CACNA1H: variants seen among roughly 807,000 people sequenced by gnomAD.
CACNA1H encodes calcium voltage-gated channel subunit alpha1 H, also known as voltage-dependent T-type calcium channel subunit alpha-1H.
Under a neutral mutation model 192.5 loss-of-function variants are expected in CACNA1H, and 149 were observed. That is an observed-to-expected ratio of 0.77 (90% CI 0.68 to 0.89). The LOEUF (loss-of-function observed/expected upper bound fraction) is 0.89. Among genes scored for constraint, CACNA1H ranks in the 40% least tolerant of loss-of-function variants. The probability of loss-of-function intolerance (pLI) is 0.00; values close to 1 mark genes in which losing one functional copy is unlikely to be tolerated. For synonymous variants in CACNA1H, 2,202 were observed against 1,475.2 expected, an observed-to-expected ratio of 1.49 and a Z score of -11.29; for missense variants, 4,257 against 3,423.5, an observed-to-expected ratio of 1.24 and a Z score of -6.08.
chr16:1,174,941 C>CCCCCCCA (rs919828517), intron 2 of CACNA1H, among the ~76,000 whole-genome samples: 2 of 145,718 alleles, frequency 1.4e-5, no homozygotes, highest in Non-Finnish European at 3.0e-5. Context: ...CCCACGTCCA[C>CCCCCCCA]CCCCCCACCC....
intron 11 of CACNA1H, among the ~76,000 whole-genome samples, chr16:1,205,512 T>G (rs1968586252): frequency 6.6e-6 from 1 of 152,206 alleles, no homozygotes; most frequent in Admixed American, 6.5e-5. Context: ...GTCAGCTGCG[T>G]CTCAGATGTT....
chr16:1,158,935 C>A (rs1359694171), intron 2 of CACNA1H, among the ~76,000 whole-genome samples: 1 of 152,184 alleles, frequency 6.6e-6, no homozygotes, highest in African/African-American at 2.4e-5. Context: ...TCAGCCCGCA[C>A]CGCTGGGACC....
chr16:1,215,180 A>T (rs1969907455), intron 28 of CACNA1H, 62 bp from the exon 29 acceptor site: 1 of 1,581,200 alleles, frequency 6.3e-7, no homozygotes, highest in South Asian at 1.1e-5. Flanking sequence ...GGTCTGCAGA[A>T]GCAACGCTGC....
Position 1,220,923 on chromosome 16 carries a change from T to G in CACNA1H, c.6991T>G (p.Cys2331Gly). Residue 2331 changes from cysteine (C) to glycine (G), a missense_variant, in exon 35 of 35, where the codon TGT becomes GGT. By Grantham distance (159) the Cys-to-Gly change is radical. Transcript: ENST00000348261. ...RRGLYLTVPQ[C>G]PLEKPGSPSA... ...GGGGCTGTACCTCACAGTCCCCCAG[T>G]GTCCTCTGGAGAAACCAGGGTCCCC... 6.2e-7 allele frequency: 1 copy of G among 1,610,974 alleles called. No individual in the cohort carries two copies. The highest frequency in any genetic ancestry group is 1.1e-5 in the South Asian group (1 of 91,034).
intron 2 of CACNA1H, among the ~76,000 whole-genome samples, chr16:1,175,066 C>T (rs529194823): frequency 5.9e-5 from 9 of 152,214 alleles, no homozygotes; most frequent in Admixed American, 2.6e-4. Flanking sequence ...TCCTACTCTA[C>T]GCACAGGTCA....
At chr16:1,161,362 C>T (rs1010754655) in intron 2 of CACNA1H, among the ~76,000 whole-genome samples, 1 of 152,244 alleles carries the variant, frequency 6.6e-6, no homozygotes, top group Non-Finnish European at 1.5e-5. Flanking sequence ...CTCACCCCTT[C>T]TCCCCTCCCC....
intron 2 of CACNA1H, among the ~76,000 whole-genome samples, chr16:1,186,766 G>T (rs758450134): frequency 6.6e-6 from 1 of 152,200 alleles, no homozygotes; most frequent in Non-Finnish European, 1.5e-5. Context: ...CACGGCAGTG[G>T]AGATATTCTG....
chr16:1,218,643 C>T lies in CACNA1H; in HGVS notation c.5879C>T (p.Thr1960Ile), dbSNP rs775156550. The part of the protein sequence containing the change: ...EVEMETYGAG[T>I]PLGSVASVHS... ...GAGATGGAGACCTATGGGGCCGGCA[C>T]CCCCTTGGGTATGGTAGCCAGCAGG... Residue 1960 changes from threonine (T) to isoleucine (I), a missense_variant, in exon 33 of 35, where the codon ACC becomes ATC. Transcript: ENST00000348261. The T allele has an allele frequency of 1.3e-6, 2 of 1,544,920 alleles. No homozygotes were observed. Among genetic ancestry groups the T allele is most frequent in the African/African-American group, 1.4e-5 (1 of 73,376 alleles).
chr16:1,155,403 C>T (rs372684083), intron 2 of CACNA1H, among the ~76,000 whole-genome samples: 12 of 152,172 alleles, frequency 7.9e-5, no homozygotes, highest in African/African-American at 2.9e-4. Flanking sequence ...CTCTCTAGAA[C>T]CAAGGCGGGA....
intron 2 of CACNA1H, among the ~76,000 whole-genome samples, chr16:1,182,201 G>T (rs912294161): frequency 3.9e-5 from 6 of 152,174 alleles, no homozygotes; most frequent in Admixed American, 1.3e-4. Context: ...CAGGTGGGAG[G>T]CTCTGCGGGG....
chr16:1,203,028 G>A (rs1968174576), intron 9 of CACNA1H, among the ~76,000 whole-genome samples: 1 of 151,806 alleles, frequency 6.6e-6, no homozygotes. Context: ...GGGCCTGGGG[G>A]CCCTTCCTGG....
rs111384860 is a variant in CACNA1H at position 1,186,283 on chromosome 16, G to A, written c.300-8689G>A. 2.0e-3 allele frequency among the ~76,000 whole-genome samples: 298 copies of A among 152,120 alleles called. 1 individual carries two copies. Among genetic ancestry groups the A allele is most frequent in the African/African-American group, 6.3e-3 (262 of 41,466 alleles). Reference sequence around the variant, plus strand: ...TTGAATAAGAATGCGCGGCTCCCTCGAGGTGTCCCAGTGGGGCTGTTCAGA... The same window carrying A: ...TTGAATAAGAATGCGCGGCTCCCTCAAGGTGTCCCAGTGGGGCTGTTCAGA... On this transcript the variant is annotated intron_variant, in intron 2 of 34. Transcript: ENST00000348261.
intron 2 of CACNA1H, among the ~76,000 whole-genome samples, chr16:1,155,318 T>A (rs1962187415): frequency 1.3e-5 from 2 of 152,154 alleles, no homozygotes; most frequent in African/African-American, 2.4e-5. Context: ...CTCAGGGTGG[T>A]GTCTGCGAGT....
intron 2 of CACNA1H, among the ~76,000 whole-genome samples, chr16:1,160,908 C>A (rs1963113134): frequency 1.3e-5 from 2 of 152,106 alleles, no homozygotes; most frequent in African/African-American, 4.8e-5. Context: ...CCGGCGAGGA[C>A]CGAGGCATCA....
rs749501115 is a variant in CACNA1H, at chr16:1,211,207, G to A, written c.4263G>A (p.Glu1421=). The A allele has an allele frequency of 2.5e-6, 4 of 1,613,032 alleles. No individual in the cohort carries two copies. Among genetic ancestry groups the A allele is most frequent in the South Asian group, 2.2e-5 (2 of 91,084 alleles). Residue 1421 remains glutamate, a synonymous_variant, in exon 22 of 35, where the codon GAG becomes GAA. Coordinates refer to ENST00000348261, the MANE Select transcript of CACNA1H (RefSeq NM_021098.3). ...CCCCGGGCCTCAAGCTGGTGGTGGA[G>A]ACGCTGATATCATCACTCAGGCCCA... The part of the protein sequence containing the change: ...SRAPGLKLVV[E]TLISSLRPIG...
Position 1,153,796 on chromosome 16 carries a change from C to T in CACNA1H, c.59C>T (p.Pro20Leu), listed in dbSNP as rs890695707. The T allele has an allele frequency of 3.2e-6, 4 of 1,247,476 alleles. No homozygotes were observed. The highest frequency in any genetic ancestry group is 6.7e-5 in the East Asian group (2 of 29,742). The allele number at this position is 1,247,476 out of a possible 1,614,324, so 77.3% of individuals were successfully genotyped here. The stretch of plus-strand genomic sequence containing the variant: ...CGGGTGCCCCTGGGCGCGCCGCCCC[C>T]TGGCCCTGCGGCGTTGGTGGGGGCG... ...EVRVPLGAPP[P>L]GPAALVGASP... is the part of the protein sequence containing the mutation. The change falls in exon 2 of 35, where the codon CCT becomes CTT. Residue 20 changes from proline to leucine, a missense_variant. Pro to Leu is a moderately conservative substitution (Grantham distance 98). Coordinates refer to ENST00000348261, the MANE Select transcript of CACNA1H (RefSeq NM_021098.3).
chr16:1,166,073 T>C (rs1199835773), intron 2 of CACNA1H, among the ~76,000 whole-genome samples: 1 of 152,260 alleles, frequency 6.6e-6, no homozygotes, highest in Non-Finnish European at 1.5e-5. Flanking sequence ...TGGGTGACTC[T>C]GAGAGCTGAC....
chr16:1,205,127 C>A lies in CACNA1H; in HGVS notation c.2465C>A (p.Thr822Asn), dbSNP rs369356684. The A allele has an allele frequency of 6.2e-7, 1 of 1,612,260 alleles. No individual in the cohort carries two copies. Among genetic ancestry groups the A allele is most frequent in the East Asian group, 2.2e-5 (1 of 44,884 alleles). ...VEYHEQPEEL[T>N]NALEISNIVF... ...CTCTGCCTGCAGCCCGAGGAGCTGA[C>A]TAATGCTCTGGAGATCAGCAACATC... The change falls in exon 11 of 35, where the codon ACT (threonine) becomes AAT (asparagine). Residue 822 changes from threonine (T) to asparagine (N), a missense_variant. Coordinates refer to ENST00000348261, the MANE Select transcript of CACNA1H (RefSeq NM_021098.3).
intron 2 of CACNA1H, among the ~76,000 whole-genome samples, chr16:1,159,304 C>T (rs113326633): frequency 2.6e-5 from 4 of 152,182 alleles, no homozygotes; most frequent in African/African-American, 9.7e-5. Context: ...GCCCGGTGGG[C>T]ACAGGAGCCT....
Sources: allele counts gnomAD v4.1 joint callset (sites outside exome capture counted in the v4.1 genomes callset), GRCh38; gene constraint gnomAD v4.1.1; transcripts MANE v1.5; gene names NCBI Gene and HGNC (gene_info 2026-07-23, HGNC 2026-07-21).